Variants in GALNT13 observed in about 807,000 individuals in gnomAD.
GALNT13 encodes the protein polypeptide N-acetylgalactosaminyltransferase 13.
A neutral mutation model predicts 64.2 loss-of-function variants in GALNT13; 28 were observed. That is an observed-to-expected ratio of 0.44 (90% CI 0.32 to 0.60). The LOEUF is 0.60. GALNT13 is among the 20% of genes least tolerant of loss of function. The probability of loss-of-function intolerance (pLI) is 0.05; values close to 1 mark genes in which losing one functional copy is unlikely to be tolerated. For synonymous variants in GALNT13, 214 were observed against 224.6 expected (o/e 0.95, Z 0.42); for missense variants, 577 against 669.8 (o/e 0.86, Z 1.53).
At chr2:153,246,745 T>C in the GALNT13 span, among the ~76,000 whole-genome samples, 1 of 152,254 alleles carries the variant, frequency 6.6e-6, no homozygotes, top group East Asian at 1.9e-4. Context: ...TCAACTAATG[T>C]GCAAAATAAC....
chr2:153,195,758 G>A, the GALNT13 span, among the ~76,000 whole-genome samples: 30 of 152,316 alleles, frequency 2.0e-4, no homozygotes, highest in African/African-American at 6.7e-4. Flanking sequence ...AGCGGGTCCC[G>A]AGTAATTGTT....
the GALNT13 span, among the ~76,000 whole-genome samples, chr2:153,741,376 G>T: frequency 6.6e-6 from 1 of 151,450 alleles, no homozygotes; most frequent in Non-Finnish European, 1.5e-5. Context: ...CTTTTCCTCT[G>T]CTCTTTAAGA....
the GALNT13 span, among the ~76,000 whole-genome samples, chr2:153,728,263 A>T: frequency 6.6e-6 from 1 of 152,302 alleles, no homozygotes; most frequent in African/African-American, 2.4e-5. Flanking sequence ...TATACCCAGT[A>T]ATGGGATTGC....
At chr2:153,524,965 C>T in the GALNT13 span, among the ~76,000 whole-genome samples, 1 of 152,154 alleles carries the variant, frequency 6.6e-6, no homozygotes, top group African/African-American at 2.4e-5. Context: ...GCAGGCTATA[C>T]AGCTCACAGC....
At chr2:154,001,458 T>C (rs182090209) in intron 3 of GALNT13, among the ~76,000 whole-genome samples, 23 of 152,018 alleles carry the variant, frequency 1.5e-4, no homozygotes, top group Non-Finnish European at 2.7e-4. Context: ...GTGGTTATCA[T>C]GAAGCTTACA....
the GALNT13 span, among the ~76,000 whole-genome samples, chr2:153,456,525 A>G: frequency 1.3e-5 from 2 of 152,286 alleles, no homozygotes; most frequent in African/African-American, 4.8e-5. Context: ...CTTCCTGAGA[A>G]CAGTTGGATC....
chr2:153,454,207 C>T, the GALNT13 span, among the ~76,000 whole-genome samples: 4 of 151,916 alleles, frequency 2.6e-5, no homozygotes, highest in Admixed American at 2.0e-4. Flanking sequence ...AATTGTACCC[C>T]GAACCTCAGC....
chr2:154,183,316 T>C (rs1281992337), intron 4 of GALNT13, among the ~76,000 whole-genome samples: 2 of 152,208 alleles, frequency 1.3e-5, no homozygotes, highest in Non-Finnish European at 2.9e-5. Context: ...TGAGTATAAC[T>C]GTTCATAGTA....
At chr2:153,952,907 A>G (rs543429427) in intron 3 of GALNT13, among the ~76,000 whole-genome samples, 35 of 152,302 alleles carry the variant, frequency 2.3e-4, no homozygotes, top group African/African-American at 7.5e-4. Context: ...GGCAGGGAGC[A>G]TCCATCACGG....
At chr2:153,259,379 A>G in the GALNT13 span, among the ~76,000 whole-genome samples, 1 of 150,690 alleles carries the variant, frequency 6.6e-6, no homozygotes, top group East Asian at 2.0e-4. Context: ...TTTTTAATCC[A>G]TTCTGCCACT....
intron 3 of GALNT13, among the ~76,000 whole-genome samples, chr2:153,959,986 CCAGTAA>C (rs1474678244): frequency 1.3e-5 from 2 of 152,316 alleles, no homozygotes; most frequent in Admixed American, 6.5e-5. Flanking sequence ...GCCTGCATGG[CCAGTAA>C]CCCACTGGGC....
the GALNT13 span, among the ~76,000 whole-genome samples, chr2:153,849,645 C>T: frequency 3.9e-5 from 6 of 151,958 alleles, no homozygotes; most frequent in Admixed American, 3.9e-4. Flanking sequence ...GGGATTGAAC[C>T]AGGAGTTCTC....
chr2:154,050,803 A>G (rs1699563276), intron 3 of GALNT13, among the ~76,000 whole-genome samples: 1 of 152,210 alleles, frequency 6.6e-6, no homozygotes, highest in Non-Finnish European at 1.5e-5. Flanking sequence ...CACCATCTTC[A>G]AAATCAATCA....
At chr2:153,257,059 C>G in the GALNT13 span, among the ~76,000 whole-genome samples, 1 of 152,210 alleles carries the variant, frequency 6.6e-6, no homozygotes. Context: ...GCCTCGCTGC[C>G]GCCTTGCAAT....
chr2:153,592,967 A>C, the GALNT13 span: 1 of 152,272 alleles, frequency 6.6e-6, no homozygotes, highest in Non-Finnish European at 1.5e-5. Context: ...CCTGCCTGGC[A>C]TCACAAAGAT....
the GALNT13 span, among the ~76,000 whole-genome samples, chr2:153,530,967 A>C: frequency 6.6e-6 from 1 of 152,186 alleles, no homozygotes; most frequent in Non-Finnish European, 1.5e-5. Context: ...ACTTCAGGAC[A>C]TTGGTCTGGG....
the GALNT13 span, among the ~76,000 whole-genome samples, chr2:153,637,609 G>A: frequency 6.6e-6 from 1 of 152,070 alleles, no homozygotes; most frequent in Admixed American, 6.6e-5. Context: ...TTTTCTTGGA[G>A]CCTTTAGATG....
At chr2:153,586,514 C>T in the GALNT13 span, among the ~76,000 whole-genome samples, 1 of 152,120 alleles carries the variant, frequency 6.6e-6, no homozygotes, top group Non-Finnish European at 1.5e-5. Context: ...GCAGCCAACA[C>T]TAGAGCACAC....
the GALNT13 span, among the ~76,000 whole-genome samples, chr2:153,779,074 A>T: frequency 1.3e-5 from 2 of 152,206 alleles, no homozygotes; most frequent in Admixed American, 6.5e-5. Context: ...GCAAAGAACA[A>T]TTAATGTTTG....
Sources: allele counts gnomAD v4.1 joint callset (sites outside exome capture counted in the v4.1 genomes callset), GRCh38; gene constraint gnomAD v4.1.1; transcripts MANE v1.5; gene names NCBI Gene and HGNC (gene_info 2026-07-23, HGNC 2026-07-21).